The following WDR76 variants were observed in gnomAD, a reference collection of about 807,000 sequenced individuals.
WDR76 encodes the protein WD repeat domain 76, also known as WD repeat-containing protein 76.
Under a neutral mutation model 70.2 loss-of-function variants are expected in WDR76, and 52 were observed. The observed-to-expected ratio is 0.74, with a 90% CI of 0.59 to 0.93. The LOEUF (loss-of-function observed/expected upper bound fraction) is 0.93, where lower values mean the gene tolerates loss of function less well. Ranked by LOEUF, WDR76 falls within the 40% of genes least tolerant of loss-of-function variation. WDR76 has a pLI of 0.00. For missense variants in WDR76, 756 were observed against 760.2 expected, an observed-to-expected ratio of 0.99 and a Z score of 0.07; for synonymous variants, 292 against 271.1, an observed-to-expected ratio of 1.08 and a Z score of -0.76.
At chr15:43,839,773 G>A (rs1199781549) in intron 5 of WDR76, 45 bp downstream of exon 5, 2 of 1,525,478 alleles carry the variant, frequency 1.3e-6, no homozygotes, top group Non-Finnish European at 8.8e-7. Context: ...ATAAAATACT[G>A]AAAAATTTGA....
intron 5 of WDR76, among the ~76,000 whole-genome samples, chr15:43,840,428 T>C (rs1211580618): frequency 6.6e-6 from 1 of 152,132 alleles, no homozygotes; most frequent in East Asian, 1.9e-4. Context: ...TAGTAATCAA[T>C]AGAATATAGT....
chr15:43,862,466 C>T lies in WDR76; in HGVS notation c.1616+1080C>T, dbSNP rs188807270. On this transcript the variant is annotated intron_variant, in intron 12 of 12. Transcript: ENST00000263795. ...CCAAGAAGCTGGGATTACAGGTGCA[C>T]GCCACCCTGCCTGGCTAATTTCTGT... Among the ~76,000 whole-genome samples, 1,147 of 148,842 alleles carry T rather than the reference C, an allele frequency of 7.7e-3. 21 individuals carry two copies. Among genetic ancestry groups the T allele is most frequent in the Non-Finnish European group, 6.7e-3 (447 of 67,202 alleles).
chr15:43,864,965 C>G (rs1027704645), intron 12 of WDR76, among the ~76,000 whole-genome samples: 19 of 152,186 alleles, frequency 1.2e-4, no homozygotes, highest in African/African-American at 4.6e-4. Flanking sequence ...CCCTCTGACA[C>G]GGGGGCTGGA....
At position 43,858,764 on chromosome 15, in the gene WDR76, C is replaced by A. The variant is rs919382175; in HGVS notation, c.1503C>A (p.Ala501=). 14 of 1,614,060 alleles carry A rather than the reference C, an allele frequency of 8.7e-6. No homozygotes were observed. Among genetic ancestry groups the A allele is most frequent in the African/African-American group, 4.0e-5 (3 of 74,924 alleles). Residue 501 remains alanine (A), a synonymous_variant, in exon 11 of 13, where the codon GCC becomes GCA. Coordinates refer to ENST00000263795, the MANE Select transcript of WDR76 (RefSeq NM_024908.4). ...AACATACAAAGAGCATTGCTTCCGC[C>A]TATTTTTCACCTCTTACTGGTAACA... ...LTEHTKSIAS[A]YFSPLTGNRV...
chr15:43,829,847 T>C (rs950952205), intron 2 of WDR76, among the ~76,000 whole-genome samples: 6 of 151,864 alleles, frequency 4.0e-5, no homozygotes, highest in Non-Finnish European at 8.8e-5. Context: ...TTTAAGCAAA[T>C]GACCTTAGGG....
At chr15:43,847,410 G>T (rs939049339) in intron 8 of WDR76, among the ~76,000 whole-genome samples, 2 of 151,294 alleles carry the variant, frequency 1.3e-5, no homozygotes, top group Non-Finnish European at 2.9e-5. Flanking sequence ...ATAGGCGCTC[G>T]CTGCCACACC....
chr15:43,858,838 C>T lies in WDR76; in HGVS notation c.1562+15C>T, dbSNP rs772307233. 8.7e-6 allele frequency: 14 copies of T among 1,610,508 alleles called. No homozygotes were observed. Among genetic ancestry groups the T allele is most frequent in the Middle Eastern group, 3.3e-4 (2 of 6,030 alleles). On this transcript the variant is annotated intron_variant, in intron 11 of 12. Transcript: ENST00000263795. ...TGTAATCTGAGGTAAATTGGGAAGG[C>T]AGAAATGTTTTTAGGGAATCTAAAG...
At chr15:43,846,843 T>G (rs776354557) in intron 8 of WDR76, among the ~76,000 whole-genome samples, 11 of 151,812 alleles carry the variant, frequency 7.2e-5, no homozygotes, top group Admixed American at 1.3e-4. Flanking sequence ...AACAACATGA[T>G]GAAATCCCAT....
intron 9 of WDR76, among the ~76,000 whole-genome samples, chr15:43,854,458 A>G (rs987877475): frequency 6.6e-6 from 1 of 151,994 alleles, no homozygotes; most frequent in African/African-American, 2.4e-5. Flanking sequence ...GGTCCCAGCT[A>G]CTTGGGAGGC....
At chr15:43,840,032 T>C (rs551476481) in intron 5 of WDR76, among the ~76,000 whole-genome samples, 1 of 152,170 alleles carries the variant, frequency 6.6e-6, no homozygotes, top group East Asian at 1.9e-4. Flanking sequence ...TGATTTTTTT[T>C]ATTTTTGGTA....
rs1238800459 is a variant in WDR76 at position 43,846,866 on chromosome 15, T to TA, written c.1032+2813dup. Among the ~76,000 whole-genome samples the TA allele has an allele frequency of 2.6e-5, 4 of 151,578 alleles. No individual in the cohort carries two copies. The East Asian group carries it at 7.8e-4, about 29-fold the overall frequency. On this transcript the variant is annotated intron_variant, in intron 8 of 12. Coordinates refer to ENST00000263795, the MANE Select transcript of WDR76 (RefSeq NM_024908.4). ...GATGAAATCCCATCTCTACTAAAGA[T>TA]ACAAAATTAGCCGGGCATGGTGGCA...
intron 8 of WDR76, among the ~76,000 whole-genome samples, chr15:43,849,582 A>G (rs2087831318): frequency 6.6e-6 from 1 of 152,092 alleles, no homozygotes; most frequent in South Asian, 2.1e-4. Flanking sequence ...TTTGTCGCCC[A>G]GGCTGGAGTT....
intron 3 of WDR76, among the ~76,000 whole-genome samples, chr15:43,835,932 C>T (rs2087650022): frequency 6.6e-6 from 1 of 151,002 alleles, no homozygotes; most frequent in South Asian, 2.1e-4. Context: ...GCTGGGATTA[C>T]AGTTGTGATC....
At chr15:43,829,714 G>T (rs894146495) in intron 2 of WDR76, among the ~76,000 whole-genome samples, 1 of 151,666 alleles carries the variant, frequency 6.6e-6, no homozygotes, top group African/African-American at 2.4e-5. Context: ...CACCATGTTC[G>T]CCAGGATGGT....
intron 8 of WDR76, among the ~76,000 whole-genome samples, chr15:43,846,903 T>TC (rs1324921434): frequency 5.3e-5 from 8 of 150,382 alleles, no homozygotes; most frequent in African/African-American, 2.0e-4. Flanking sequence ...ATGCCTGTAA[T>TC]CCCAGCTACT....
Position 43,851,202 on chromosome 15 carries a change from G to A in WDR76, c.1148G>A (p.Gly383Asp). 6.2e-7 allele frequency: 1 copy of A among 1,614,122 alleles called. No individual in the cohort carries two copies. Among genetic ancestry groups the A allele is most frequent in the Non-Finnish European group, 8.5e-7 (1 of 1,180,028 alleles). Reference protein sequence around the residue: ...PAHILSLSYDGTLRCGDFSRA... With the variant: ...PAHILSLSYDDTLRCGDFSRA... The stretch of plus-strand genomic sequence containing the variant: ...CACATACTGTCACTGAGCTATGATG[G>A]CACGTTACGCTGTGGGGATTTTTCC... The change falls in exon 9 of 13, where the codon GGC becomes GAC. Residue 383 changes from glycine to aspartate, a missense_variant. By Grantham distance (94) the Gly-to-Asp change is moderately conservative. Coordinates refer to ENST00000263795, the MANE Select transcript of WDR76 (RefSeq NM_024908.4).
At chr15:43,852,487 T>A (rs2087873309) in intron 9 of WDR76, among the ~76,000 whole-genome samples, 1 of 152,172 alleles carries the variant, frequency 6.6e-6, no homozygotes, top group African/African-American at 2.4e-5. Context: ...TTCTCCTGTC[T>A]CAGCCTCCTG....
At chr15:43,850,045 T>A (rs1017049849) in intron 8 of WDR76, among the ~76,000 whole-genome samples, 1 of 152,006 alleles carries the variant, frequency 6.6e-6, no homozygotes, top group African/African-American at 2.4e-5. Context: ...ATTTTAAAAT[T>A]TAAAATAAAA....
At chr15:43,839,997 A>G (rs1354601913) in intron 5 of WDR76, among the ~76,000 whole-genome samples, 2 of 152,018 alleles carry the variant, frequency 1.3e-5, no homozygotes, top group East Asian at 1.9e-4. Flanking sequence ...AGCTGGGATT[A>G]CAGGCACATG....
Sources: allele counts gnomAD v4.1 joint callset (sites outside exome capture counted in the v4.1 genomes callset), GRCh38; gene constraint gnomAD v4.1.1; transcripts MANE v1.5; gene names NCBI Gene and HGNC (gene_info 2026-07-23, HGNC 2026-07-21).